FGF14: variants seen among roughly 807,000 people sequenced by gnomAD.
FGF14 encodes the protein fibroblast growth factor 14, also known as fibroblast growth factor homologous factor 4.
A neutral mutation model predicts 25.5 loss-of-function variants in FGF14; 5 were observed. That is an observed-to-expected ratio of 0.20 (90% CI 0.10 to 0.41). The LOEUF (loss-of-function observed/expected upper bound fraction) is 0.41. Ranked by LOEUF, FGF14 falls within the 10% of genes least tolerant of loss-of-function variation. FGF14 has a pLI of 1.00. For synonymous variants in FGF14, 138 were observed against 118.3 expected, an observed-to-expected ratio of 1.17 and a Z score of -1.08; for missense variants, 222 against 320.1, an observed-to-expected ratio of 0.69 and a Z score of 2.34.
chr13:102,073,150 G>A (rs1416468419), intron 1 of FGF14, among the ~76,000 whole-genome samples: 1 of 152,166 alleles, frequency 6.6e-6, no homozygotes, highest in Non-Finnish European at 1.5e-5. Flanking sequence ...TACTCAGCAG[G>A]CTGAGGCAGG....
At chr13:101,935,154 A>G (rs546494272) in intron 1 of FGF14, among the ~76,000 whole-genome samples, 3 of 152,364 alleles carry the variant, frequency 2.0e-5, no homozygotes, top group Non-Finnish European at 4.4e-5. Flanking sequence ...AAGTTGAAAT[A>G]ATAAAGGAAA....
chr13:102,013,620 C>A (rs572459586), intron 1 of FGF14, among the ~76,000 whole-genome samples: 140 of 152,280 alleles, frequency 9.2e-4, no homozygotes, highest in African/African-American at 2.9e-3. Context: ...ATTGGCTGCA[C>A]AATTTGACAA....
intron 1 of FGF14, among the ~76,000 whole-genome samples, chr13:102,066,658 G>C (rs1566641468): frequency 6.6e-6 from 1 of 152,238 alleles, no homozygotes; most frequent in South Asian, 2.1e-4. Flanking sequence ...TTTTAACAAG[G>C]AAGTATTTCT....
At chr13:101,968,678 A>C (rs2139519565) in intron 1 of FGF14, among the ~76,000 whole-genome samples, 1 of 151,744 alleles carries the variant, frequency 6.6e-6, no homozygotes, top group Middle Eastern at 3.4e-3. Flanking sequence ...GTCTCCAAAA[A>C]AAAAAAAAAA....
intron 3 of FGF14, among the ~76,000 whole-genome samples, chr13:101,847,504 T>C (rs2043526674): frequency 1.3e-5 from 2 of 152,138 alleles, no homozygotes; most frequent in African/African-American, 2.4e-5. Context: ...ACTGCATCTT[T>C]CTTTTTGTTA....
chr13:102,047,986 C>T (rs756169520), intron 1 of FGF14, among the ~76,000 whole-genome samples: 1 of 150,492 alleles, frequency 6.6e-6, no homozygotes, highest in Admixed American at 6.6e-5. Context: ...TAGAAGGAGA[C>T]TTTCTAAGCC....
Position 101,858,497 on chromosome 13 carries a change from T to C in FGF14, c.408+10228A>G, listed in dbSNP as rs558739865. Reference sequence around the variant, plus strand: ...AACAAAGAGAGAATACATTTTGAAATAGTGTTTCATCTATTGTTTTAGGCC... The same window carrying C: ...AACAAAGAGAGAATACATTTTGAAACAGTGTTTCATCTATTGTTTTAGGCC... On this transcript the variant is annotated intron_variant, in intron 3 of 4. Coordinates refer to ENST00000376143, the MANE Select transcript of FGF14 (RefSeq NM_004115.4). Among the ~76,000 whole-genome samples, 12 of 152,166 alleles carry C rather than the reference T, an allele frequency of 7.9e-5. No individual in the cohort carries two copies. The South Asian group carries it at 1.7e-3, about 21-fold the overall frequency.
intron 1 of FGF14, among the ~76,000 whole-genome samples, chr13:101,984,687 C>T (rs1246762888): frequency 6.6e-6 from 1 of 152,040 alleles, no homozygotes; most frequent in Non-Finnish European, 1.5e-5. Flanking sequence ...TAGGAGTAGC[C>T]TATTTAGGAG....
At chr13:101,958,646 G>A (rs139499185) in intron 1 of FGF14, among the ~76,000 whole-genome samples, 1 of 152,178 alleles carries the variant, frequency 6.6e-6, no homozygotes, top group Non-Finnish European at 1.5e-5. Flanking sequence ...TATAAGTCTT[G>A]ACAGAGAAAA....
At chr13:102,183,243 T>A (rs1004691421) in intron 1 of FGF14, among the ~76,000 whole-genome samples, 3 of 152,180 alleles carry the variant, frequency 2.0e-5, no homozygotes, top group African/African-American at 4.8e-5. Context: ...CCCTAAGGAT[T>A]TTTTTAGAAT....
At chr13:102,060,837 C>T (rs554333259) in intron 1 of FGF14, among the ~76,000 whole-genome samples, 2 of 152,220 alleles carry the variant, frequency 1.3e-5, no homozygotes, top group African/African-American at 4.8e-5. Context: ...TTTCCAAGAC[C>T]ACTCTGGCCC....
intron 1 of FGF14, chr13:102,263,028 C>G: frequency 3.2e-6 from 2 of 633,542 alleles, no homozygotes; most frequent in Non-Finnish European, 5.7e-6. Flanking sequence ...TGTGCCATCT[C>G]ATGTGCAATT....
chr13:101,965,268 C>A (rs1433740646), intron 1 of FGF14, among the ~76,000 whole-genome samples: 3 of 151,564 alleles, frequency 2.0e-5, no homozygotes, highest in African/African-American at 7.3e-5. Flanking sequence ...AAAACCTCCT[C>A]TTGTGGTTAA....
rs184861094 is a variant in FGF14 at position 102,138,683 on chromosome 13, C to A, written c.208+262788G>T. On this transcript the variant is annotated intron_variant, in intron 1 of 4. Coordinates refer to the FGF14 transcript ENST00000376131. ...CCGAGGAGGCCCTCAGTGTCCTGAA[C>A]AGGACAGAGGAGAGGACACCAGGTA... Among the ~76,000 whole-genome samples, 91 of 152,088 alleles carry A rather than the reference C, an allele frequency of 6.0e-4. 1 individual carries two copies. The highest frequency in any genetic ancestry group is 1.3e-3 in the African/African-American group (52 of 41,482).
In FGF14 at chr13:101,784,162, A is replaced by G. The variant is rs2039676292; in HGVS notation, c.409-57352T>C. On this transcript the variant is annotated intron_variant, in intron 3 of 4. Coordinates refer to ENST00000376143, the MANE Select transcript of FGF14 (RefSeq NM_004115.4). ...TAACTTATCCTGTACATTAGTGCCA[A>G]ATTGATATTCCTTAAAGTTCTTTCA... 2.6e-5 allele frequency among the ~76,000 whole-genome samples: 4 copies of G among 152,150 alleles called. No homozygotes were observed. In the South Asian group the frequency reaches 8.3e-4, roughly 32 times the overall value.
chr13:101,728,128 T>C (rs2035565505), intron 3 of FGF14, among the ~76,000 whole-genome samples: 1 of 152,162 alleles, frequency 6.6e-6, no homozygotes, highest in Non-Finnish European at 1.5e-5. Flanking sequence ...GTGTGAATTA[T>C]CAAATGCTGT....
intron 3 of FGF14, among the ~76,000 whole-genome samples, chr13:101,826,715 T>TA (rs1426588260): frequency 2.6e-5 from 4 of 152,054 alleles, no homozygotes; most frequent in African/African-American, 9.7e-5. Flanking sequence ...TTGATATCAC[T>TA]AAAAATTTTA....
At chr13:102,206,007 AAAAAAAAAAAAAAAAAAAAAAAAAAAAG>A (rs2049899435) in intron 1 of FGF14, among the ~76,000 whole-genome samples, 1 of 35,978 alleles carries the variant, frequency 2.8e-5, no homozygotes, top group African/African-American at 4.0e-4. Context: ...AAAAAAAAAA[AAAAAAAAAAAAAAAAAAAAAAAAAAAAG>A]CATTAGATTC....
chr13:102,383,081 A>G (rs1036896292), intron 1 of FGF14, among the ~76,000 whole-genome samples: 1 of 152,114 alleles, frequency 6.6e-6, no homozygotes, highest in Admixed American at 6.6e-5. Flanking sequence ...GTATACTTTA[A>G]AAGGGTAAAT....
Sources: gnomAD v4.1 joint callset for allele counts (sites outside exome capture counted in the v4.1 genomes callset) on GRCh38, gnomAD v4.1.1 for gene constraint, MANE v1.5 for transcripts, NCBI Gene and HGNC (gene_info 2026-07-23, HGNC 2026-07-21) for gene names.